The following TDRD12 variants were observed in gnomAD, a reference collection of about 807,000 sequenced individuals.
TDRD12 encodes putative ATP-dependent RNA helicase TDRD12.
A neutral mutation model predicts 133.5 loss-of-function variants in TDRD12; 158 were observed. The ratio of observed to expected loss-of-function variants is 1.18; its 90% CI spans 1.04 to 1.35. The LOEUF is 1.35. TDRD12 is among the 40% of genes most tolerant of loss of function. The pLI, the probability that TDRD12 is intolerant of heterozygous loss-of-function variation, is 0.00. For missense variants in TDRD12, 1,443 were observed against 1,321.3 expected (o/e 1.09, Z -1.43); for synonymous variants, 460 against 477.9 (o/e 0.96, Z 0.49).
chr19:32,826,150 G>A (rs969863721), downstream of TDRD12: 44 of 1,535,598 alleles, frequency 2.9e-5, 1 homozygote, highest in South Asian at 1.4e-4. Flanking sequence ...CTGCACAGCC[G>A]CCTCTGAAAA....
At chr19:32,768,027 A>G (rs1463727071) in intron 8 of TDRD12, among the ~76,000 whole-genome samples, 1 of 152,250 alleles carries the variant, frequency 6.6e-6, no homozygotes, top group Non-Finnish European at 1.5e-5. Context: ...GTAGTTACAA[A>G]TAAAGTTTTA....
chr19:32,727,110 T>G lies in TDRD12; in HGVS notation c.25-4615T>G, dbSNP rs189533267. ...CTTGCCAACACATTATTTTCTGTTTTAACACACCTTCCAGCACACTGAATT... is the reference window on the plus strand; with the variant it reads ...CTTGCCAACACATTATTTTCTGTTTGAACACACCTTCCAGCACACTGAATT... On this transcript the variant is annotated intron_variant, in intron 1 of 27. Coordinates refer to ENST00000444215, the Ensembl canonical transcript of TDRD12. Among the ~76,000 whole-genome samples the G allele has an allele frequency of 2.1e-3, 313 of 152,352 alleles. 2 individuals are homozygous for G. Among genetic ancestry groups the G allele is most frequent in the African/African-American group, 7.3e-3 (303 of 41,590 alleles).
chr19:32,800,079 A>G (rs1434359773), intron 16 of TDRD12, 88 bp from the exon 17 acceptor site: 9 of 829,610 alleles, frequency 1.1e-5, no homozygotes, highest in Non-Finnish European at 1.6e-5. Context: ...GAGAACAGAA[A>G]ATATACAAAC....
At chr19:32,762,726 A>G (rs953918400) in intron 8 of TDRD12, among the ~76,000 whole-genome samples, 7 of 152,332 alleles carry the variant, frequency 4.6e-5, no homozygotes, top group Admixed American at 3.3e-4. Context: ...CCTAGTTTGT[A>G]TAATTAACTT....
At position 32,795,419 on chromosome 19, in the gene TDRD12, A is replaced by G. The variant is rs112818554; in HGVS notation, c.1473+606A>G. 9.0e-3 allele frequency among the ~76,000 whole-genome samples: 1,372 copies of G among 152,168 alleles called. 17 individuals are homozygous for G. Among genetic ancestry groups the G allele is most frequent in the African/African-American group, 0.03 (1,234 of 41,496 alleles). ...GTCACAGACCTGAGTCTATCTATCCATCACAGTAGCAGCATGAGATGGGCA... is the reference window on the plus strand; with the variant it reads ...GTCACAGACCTGAGTCTATCTATCCGTCACAGTAGCAGCATGAGATGGGCA... On this transcript the variant is annotated intron_variant, in intron 14 of 27. Transcript: ENST00000444215.
chr19:32,731,962 T>G (rs1017543991), intron 2 of TDRD12, 79 bp downstream of exon 2: 53 of 1,380,128 alleles, frequency 3.8e-5, no homozygotes, highest in Non-Finnish European at 4.8e-5. Flanking sequence ...ACGATGATGA[T>G]TCAAGCTTTT....
chr19:32,823,519 G>A (rs942809882), downstream of TDRD12, among the ~76,000 whole-genome samples: 2 of 152,184 alleles, frequency 1.3e-5, no homozygotes, highest in African/African-American at 4.8e-5. Flanking sequence ...GGCCGTGACT[G>A]TGGCTGGTGA....
chr19:32,769,997 C>CTT (rs10644275), intron 8 of TDRD12, among the ~76,000 whole-genome samples: 9,223 of 144,256 alleles, frequency 0.064, 496 homozygotes, highest in East Asian at 0.24. Flanking sequence ...GGTATGTGTT[C>CTT]TTTTTTTTTT....
intron 11 of TDRD12, among the ~76,000 whole-genome samples, chr19:32,778,510 T>A (rs116862969): frequency 0.023 from 3,577 of 152,288 alleles, 71 homozygotes; most frequent in Middle Eastern, 0.037. Context: ...TTATTTATTT[T>A]TTAATTGGAG....
intron 2 of TDRD12, among the ~76,000 whole-genome samples, chr19:32,733,195 G>A (rs902692331): frequency 2.0e-5 from 3 of 151,940 alleles, no homozygotes; most frequent in Admixed American, 6.6e-5. Flanking sequence ...GTAGCCGGGC[G>A]TGGTGGCCCA....
At chr19:32,775,898 T>A (rs993020724) in intron 10 of TDRD12, among the ~76,000 whole-genome samples, 4 of 152,196 alleles carry the variant, frequency 2.6e-5, no homozygotes, top group African/African-American at 9.6e-5. Flanking sequence ...TGCGAGATTC[T>A]GGTTTCTGTT....
chr19:32,793,204 A>G (rs1330027859), intron 13 of TDRD12, among the ~76,000 whole-genome samples: 1 of 151,322 alleles, frequency 6.6e-6, no homozygotes, highest in African/African-American at 2.5e-5. Flanking sequence ...TAATAATAAT[A>G]ATAATAATTC....
rs760980910 is a variant in TDRD12 at position 32,757,097 on chromosome 19, G to T, written c.832G>T (p.Val278Phe). The T allele has an allele frequency of 1.7e-5, 26 of 1,551,720 alleles. No homozygotes were observed. In the Middle Eastern group the frequency reaches 8.3e-4, roughly 50 times the overall value. ...GCAACATACATGGTGCAAGGGTATT[G>T]TCGGTGACCTCAGGCCAACAGCCAC... The change falls in exon 8 of 28, where the codon GTC becomes TTC. Residue 278 changes from valine (V) to phenylalanine (F), a missense_variant. Physicochemically the swap from Val to Phe is conservative, Grantham distance 50. Transcript: ENST00000444215.
At chr19:32,746,868 G>A (rs919398435) in intron 4 of TDRD12, among the ~76,000 whole-genome samples, 7 of 150,156 alleles carry the variant, frequency 4.7e-5, no homozygotes, top group Non-Finnish European at 1.0e-4. Context: ...GGCTGATGTG[G>A]TTATTCTGTG....
At position 32,723,503 on chromosome 19, in the gene TDRD12, C is replaced by G. The variant is rs143875226; in HGVS notation, c.24+3407C>G. Among the ~76,000 whole-genome samples, 38 of 152,208 alleles carry G rather than the reference C, an allele frequency of 2.5e-4. 1 individual carries two copies. Among genetic ancestry groups the G allele is most frequent in the African/African-American group, 8.9e-4 (37 of 41,558 alleles). The stretch of plus-strand genomic sequence containing the variant: ...TGACCTCGTGGTCCACCCATCTCGG[C>G]CTCCCAAAGTGCTGGGATTACAAGC... On this transcript the variant is annotated intron_variant, in intron 1 of 27. Coordinates refer to ENST00000444215, the Ensembl canonical transcript of TDRD12.
At chr19:32,771,974 C>A (rs762917277) in intron 8 of TDRD12, among the ~76,000 whole-genome samples, 4 of 152,212 alleles carry the variant, frequency 2.6e-5, no homozygotes, top group Non-Finnish European at 5.9e-5. Flanking sequence ...GTGTTTCCCT[C>A]ATAAATGATT....
intron 19 of TDRD12, 99 bp from the exon 20 acceptor site, chr19:32,802,557 T>A: frequency 7.5e-7 from 1 of 1,329,736 alleles, no homozygotes; most frequent in Non-Finnish European, 1.0e-6. Context: ...AAGTAAAATG[T>A]GATATGGAAA....
intron 27 of TDRD12, among the ~76,000 whole-genome samples, chr19:32,818,644 C>A (rs1009490906): frequency 6.6e-6 from 1 of 152,190 alleles, no homozygotes; most frequent in Non-Finnish European, 1.5e-5. Context: ...AAGAGCACAG[C>A]CCTCGTGGCA....
Position 32,752,592 on chromosome 19 carries a change from G to T in TDRD12, c.582+2723G>T, listed in dbSNP as rs549367733. On this transcript the variant is annotated intron_variant, in intron 6 of 27. Transcript: ENST00000444215. ...GGACTTTTGGAAATGTATTTTATTT[G>T]GGGAGTTATAATCTATAACTATCAT... is the stretch of plus-strand genomic sequence containing the variant. Among the ~76,000 whole-genome samples the T allele has an allele frequency of 4.3e-4, 66 of 152,052 alleles. No individual in the cohort carries two copies. In the South Asian group the frequency reaches 0.011, roughly 25 times the overall value.
Sources: allele counts gnomAD v4.1 joint callset (sites outside exome capture counted in the v4.1 genomes callset), GRCh38; gene constraint gnomAD v4.1.1; transcripts MANE v1.5; gene names NCBI Gene and HGNC (gene_info 2026-07-23, HGNC 2026-07-21).